NEUROD4: variants seen among roughly 807,000 people sequenced by gnomAD.
The protein encoded by NEUROD4 is neuronal differentiation 4, also known as neurogenic differentiation factor 4.
Under a neutral mutation model 19.8 loss-of-function variants are expected in NEUROD4, and 16 were observed. The ratio of observed to expected loss-of-function variants is 0.81; its 90% confidence interval spans 0.55 to 1.23. The LOEUF (loss-of-function observed/expected upper bound fraction) is 1.23. Among genes scored for constraint, NEUROD4 ranks in the 50% most tolerant of loss-of-function variants. NEUROD4 has a pLI of 0.00. For synonymous variants in NEUROD4, 153 were observed against 147.9 expected (o/e 1.03, Z -0.25); for missense variants, 439 against 398.6 (o/e 1.10, Z -0.86).
Position 55,020,221 on chromosome 12 carries a change from TA to T in NEUROD4, c.-101del, listed in dbSNP as rs1952665883. 1 of 134,388 alleles carries T rather than the reference TA, an allele frequency of 7.4e-6. No individual in the cohort carries two copies. Among genetic ancestry groups the T allele is most frequent in the South Asian group, 2.4e-4 (1 of 4,156 alleles). 8.3% of individuals were successfully genotyped at this position (134,388 alleles called of 1,614,324 possible). A position where few individuals can be genotyped will look rare whatever the true frequency, so the allele number is the denominator to read the frequency against. On this transcript the variant is annotated 5_prime_UTR_variant, in exon 1 of 2. Coordinates refer to ENST00000242994, the MANE Select transcript of NEUROD4 (RefSeq NM_021191.3). ...CATGGATCGCTGAAAGCGTCTCTTC[TA>T]CCATCTGGATGGTCAGGGAGACTTG...
chr12:55,022,533 C>G (rs1421144319), intron 1 of NEUROD4, among the ~76,000 whole-genome samples: 1 of 152,102 alleles, frequency 6.6e-6, no homozygotes, highest in African/African-American at 2.4e-5. Context: ...CTGATAGACA[C>G]TGCATATTAT....
rs769753493 is a variant in NEUROD4 at position 55,026,675 on chromosome 12, A to T, written c.236A>T (p.Lys79Ile). 6.2e-7 allele frequency: 1 copy of T among 1,614,110 alleles called. No individual in the cohort carries two copies. The change falls in exon 2 of 2, where the codon AAA (lysine) becomes ATA (isoleucine). Residue 79 changes from lysine (K) to isoleucine (I), a missense_variant. Lys to Ile is a moderately radical substitution (Grantham distance 102). Coordinates refer to ENST00000242994, the MANE Select transcript of NEUROD4 (RefSeq NM_021191.3). ...RRGPKKKKMT[K>I]ARLERFRARR... ...GGTCCCAAGAAAAAGAAGATGACCA[A>T]AGCTCGCCTTGAGAGATTCAGGGCT...
Position 55,026,623 on chromosome 12 carries a change from G to T in NEUROD4, c.184G>T (p.Glu62Ter). Reference protein sequence around the residue: ...DSIEEEEEEEEDGEKPKRRGP... With the variant: ...DSIEEEEEEE ...TATTGAGGAAGAAGAAGAAGAGGAAGAAGATGGGGAGAAACCTAAGAGAAG... is the reference window on the plus strand; with the variant it reads ...TATTGAGGAAGAAGAAGAAGAGGAATAAGATGGGGAGAAACCTAAGAGAAG... Residue 62 changes from glutamate (E) to a stop codon, truncating the protein, a stop_gained, in exon 2 of 2, where the codon GAA becomes TAA. Coordinates refer to ENST00000242994, the MANE Select transcript of NEUROD4 (RefSeq NM_021191.3). LOFTEE classifies it high-confidence loss of function. 1 of 1,612,696 alleles carries T rather than the reference G, an allele frequency of 6.2e-7. No individual in the cohort carries two copies. Among genetic ancestry groups the T allele is most frequent in the Non-Finnish European group, 8.5e-7 (1 of 1,178,874 alleles).
In NEUROD4 at chr12:55,029,425, G is replaced by A. The variant is rs895362593; in HGVS notation, c.*1990G>A. 9.6e-5 allele frequency: 16 copies of A among 166,944 alleles called. No homozygotes were observed. Among genetic ancestry groups the A allele is most frequent in the African/African-American group, 3.1e-4 (13 of 41,452 alleles). The allele number at this position is 166,944 out of a possible 1,614,324, so 10.3% of individuals were successfully genotyped here. On this transcript the variant is annotated 3_prime_UTR_variant, in exon 2 of 2. Transcript: ENST00000242994. ...AGCGGCTGTAGGAGGGTCTATCCTC[G>A]AAGCTAGCATTTTCTGGCATTTAAG...
At position 55,020,271 on chromosome 12, in the gene NEUROD4, C is replaced by G. The variant is rs1000437275; in HGVS notation, c.-52C>G. 1 of 152,216 alleles carries G rather than the reference C, an allele frequency of 6.6e-6. No homozygotes were observed. The highest frequency in any genetic ancestry group is 1.5e-5 in the Non-Finnish European group (1 of 68,078). The allele number at this position is 152,216 out of a possible 1,614,324, so 9.4% of individuals were successfully genotyped here. A position where few individuals can be genotyped will look rare whatever the true frequency, so the allele number is the denominator to read the frequency against. On this transcript the variant is annotated 5_prime_UTR_variant, in exon 1 of 2. Coordinates refer to ENST00000242994, the MANE Select transcript of NEUROD4 (RefSeq NM_021191.3). Reference sequence around the variant, plus strand: ...TGGCTTCTCTGACTGTCCTCTAAGACGCAGATTCACAGAGTTCACTCCAGG... The same window carrying G: ...TGGCTTCTCTGACTGTCCTCTAAGAGGCAGATTCACAGAGTTCACTCCAGG...
intron 1 of NEUROD4, among the ~76,000 whole-genome samples, chr12:55,024,809 A>G (rs987843250): frequency 2.6e-5 from 4 of 152,250 alleles, no homozygotes; most frequent in Admixed American, 2.0e-4. Flanking sequence ...TCAAGCTGAC[A>G]TGATTTCCGT....
intron 1 of NEUROD4, among the ~76,000 whole-genome samples, chr12:55,024,434 G>C (rs956724310): frequency 7.2e-5 from 11 of 152,066 alleles, no homozygotes; most frequent in Admixed American, 2.0e-4. Context: ...CTCCCTCAAA[G>C]GTTTTCTATA....
In NEUROD4 at chr12:55,027,154, A is replaced by G; in HGVS notation, c.715A>G (p.Ser239Gly). The G allele has an allele frequency of 6.2e-7, 1 of 1,614,104 alleles. No individual in the cohort carries two copies. Among genetic ancestry groups the G allele is most frequent in the Non-Finnish European group, 8.5e-7 (1 of 1,180,006 alleles). Reference protein sequence around the residue: ...FKSLGESSFGSHLPDCSTPPY... With the variant: ...FKSLGESSFGGHLPDCSTPPY... Reference sequence around the variant, plus strand: ...GAGTTTGGGAGAATCGTCCTTTGGGAGCCATCTGCCTGACTGCAGTACACC... The same window carrying G: ...GAGTTTGGGAGAATCGTCCTTTGGGGGCCATCTGCCTGACTGCAGTACACC... The change falls in exon 2 of 2, where the codon AGC becomes GGC. Residue 239 changes from serine to glycine, a missense_variant. Ser to Gly is a moderately conservative substitution (Grantham distance 56, BLOSUM62 0). Coordinates refer to ENST00000242994, the MANE Select transcript of NEUROD4 (RefSeq NM_021191.3).
rs751292953 is a variant in NEUROD4 at position 55,026,635 on chromosome 12, A to G, written c.196A>G (p.Lys66Glu). 6.2e-7 allele frequency: 1 copy of G among 1,613,898 alleles called. No homozygotes were observed. The highest frequency in any genetic ancestry group is 8.5e-7 in the Non-Finnish European group (1 of 1,179,880). ...AGAAGAAGAGGAAGAAGATGGGGAG[A>G]AACCTAAGAGAAGGGGTCCCAAGAA... ...EEEEEEEDGE[K>E]PKRRGPKKKK... Residue 66 changes from lysine to glutamate, a missense_variant, in exon 2 of 2, where the codon AAA becomes GAA. By Grantham distance (56) the Lys-to-Glu change is moderately conservative (BLOSUM62 1). Transcript: ENST00000242994.
chr12:55,020,858 G>A (rs1398961680), intron 1 of NEUROD4, among the ~76,000 whole-genome samples: 2 of 152,160 alleles, frequency 1.3e-5, no homozygotes, highest in African/African-American at 4.8e-5. Context: ...TGAATAGTTG[G>A]CACAGGGTGG....
chr12:55,026,502 G>T lies in NEUROD4; in HGVS notation c.63G>T (p.Met21Ile). The T allele has an allele frequency of 6.2e-7, 1 of 1,613,996 alleles. No homozygotes were observed. The highest frequency in any genetic ancestry group is 1.1e-5 in the South Asian group (1 of 91,054). ...AGCTAGTCAACACACCATCCTGGAT[G>T]GATAAAGGTCTGGGCTCCCAAAATG... ...MGELVNTPSW[M>I]DKGLGSQNEV... The change falls in exon 2 of 2, where the codon ATG becomes ATT. Residue 21 changes from methionine to isoleucine, a missense_variant. Coordinates refer to ENST00000242994, the MANE Select transcript of NEUROD4 (RefSeq NM_021191.3).
rs138982886 is a variant in NEUROD4, at chr12:55,026,428, C to T, written c.-9-3C>T. 9.8e-4 allele frequency: 1,546 copies of T among 1,580,658 alleles called. 11 individuals carry two copies. The African/African-American group carries it at 0.019, about 19-fold the overall frequency. On this transcript the variant is annotated splice_polypyrimidine_tract_variant and splice_region_variant and intron_variant, in intron 1 of 1. Coordinates refer to ENST00000242994, the MANE Select transcript of NEUROD4 (RefSeq NM_021191.3). ...ATTAACCTTTGATATTTCCCTTTTC[C>T]AGAGTCTGGAAATGTCAAAAACTTT...
In NEUROD4 at chr12:55,027,584, A is replaced by G; in HGVS notation, c.*149A>G. 1 of 710,460 alleles carries G rather than the reference A, an allele frequency of 1.4e-6. No homozygotes were observed. The allele number at this position is 710,460 out of a possible 1,614,324, so 44.0% of individuals were successfully genotyped here. A position where few individuals can be genotyped will look rare whatever the true frequency, so the allele number is the denominator to read the frequency against. ...CCATTTAGGCTTTCCTTCACCTATCACCTCTTTTCTCATCACCTTCTCACA... is the reference window on the plus strand; with the variant it reads ...CCATTTAGGCTTTCCTTCACCTATCGCCTCTTTTCTCATCACCTTCTCACA... On this transcript the variant is annotated 3_prime_UTR_variant, in exon 2 of 2. Transcript: ENST00000242994.
chr12:55,020,845 G>T (rs118008065), intron 1 of NEUROD4, among the ~76,000 whole-genome samples: 146 of 152,284 alleles, frequency 9.6e-4, no homozygotes, highest in Non-Finnish European at 1.1e-3. Context: ...TACTAAAAAT[G>T]CTTGAATAGT....
chr12:55,020,475 G>C (rs1952667470), intron 1 of NEUROD4, among the ~76,000 whole-genome samples, 162 bp downstream of exon 1: 1 of 152,182 alleles, frequency 6.6e-6, no homozygotes, highest in Non-Finnish European at 1.5e-5. Flanking sequence ...GGAACACTTA[G>C]GGACAAATAT....
rs1952740117 is a variant in NEUROD4, at chr12:55,026,921, G to C, written c.482G>C (p.Gly161Ala). The change falls in exon 2 of 2, where the codon GGG becomes GCG. Residue 161 changes from glycine (G) to alanine (A), a missense_variant. Gly to Ala is a moderately conservative substitution (Grantham distance 60, BLOSUM62 0). Transcript: ENST00000242994. Reference sequence around the variant, plus strand: ...GGCTTTGTGGAGATGCTGTGTAAAGGGCTCTCTCAGCCCACAAGCAACCTG... The same window carrying C: ...GGCTTTGTGGAGATGCTGTGTAAAGCGCTCTCTCAGCCCACAAGCAACCTG... ...GKGFVEMLCK[G>A]LSQPTSNLVA... 2 of 1,614,020 alleles carry C rather than the reference G, an allele frequency of 1.2e-6. No homozygotes were observed. Among genetic ancestry groups the C allele is most frequent in the South Asian group, 2.2e-5 (2 of 91,088 alleles).
In NEUROD4 at chr12:55,028,625, T is replaced by A. The variant is rs369972533; in HGVS notation, c.*1190T>A. On this transcript the variant is annotated 3_prime_UTR_variant, in exon 2 of 2. Coordinates refer to ENST00000242994, the MANE Select transcript of NEUROD4 (RefSeq NM_021191.3). The stretch of plus-strand genomic sequence containing the variant: ...TCAATTTATTGATCAAGGTTAAATT[T>A]TTCCAACATATATGTAGTTCCTTAT... 17 of 167,170 alleles carry A rather than the reference T, an allele frequency of 1.0e-4. No individual in the cohort carries two copies. In the East Asian group the frequency reaches 1.2e-3, roughly 11 times the overall value. 10.4% of individuals were successfully genotyped at this position (167,170 alleles called of 1,614,324 possible).
chr12:55,024,996 A>G (rs1565596314), intron 1 of NEUROD4, among the ~76,000 whole-genome samples: 1 of 152,236 alleles, frequency 6.6e-6, no homozygotes, highest in Non-Finnish European at 1.5e-5. Context: ...AGGCTCAAGC[A>G]TCAAAGAACA....
chr12:55,024,928 C>A (rs117437490), intron 1 of NEUROD4, among the ~76,000 whole-genome samples: 321 of 152,310 alleles, frequency 2.1e-3, no homozygotes, highest in Non-Finnish European at 3.8e-3. Flanking sequence ...AGAAACAAAT[C>A]AAATAATATA....
Sources: gnomAD v4.1 joint callset for allele counts (sites outside exome capture counted in the v4.1 genomes callset) on GRCh38, gnomAD v4.1.1 for gene constraint, MANE v1.5 for transcripts, NCBI Gene and HGNC (gene_info 2026-07-23, HGNC 2026-07-21) for gene names.